Variants in GGT1 observed in about 807,000 individuals in gnomAD.
The protein encoded by GGT1 is gamma-glutamyltransferase 1.
GGT1 carries 21 observed loss-of-function variants against 56.0 expected under a neutral mutation model. The observed-to-expected ratio is 0.38, with a 90% CI of 0.27 to 0.54. The LOEUF (loss-of-function observed/expected upper bound fraction) is 0.54. Ranked by LOEUF, GGT1 falls within the 20% of genes least tolerant of loss-of-function variation. GGT1 has a pLI of 0.82. For missense variants in GGT1, 466 were observed against 787.0 expected, an observed-to-expected ratio of 0.59 and a Z score of 4.88; for synonymous variants, 238 against 342.6, an observed-to-expected ratio of 0.69 and a Z score of 3.37.
upstream of GGT1, among the ~76,000 whole-genome samples, chr22:24,590,689 C>T (rs1307591646): frequency 1.3e-5 from 2 of 152,126 alleles, no homozygotes; most frequent in Admixed American, 6.5e-5. Flanking sequence ...TCCTAAGCTG[C>T]GGCCAGCATC....
At position 24,614,906 on chromosome 22, in the gene GGT1, C is replaced by T. The variant is rs753103118; in HGVS notation, c.295C>T (p.Arg99Ter). ...CCTCACCATCTACAACAGCACCACA[C>T]GTGAGTGCCTCGGGAGAGGAGAGGG... is the stretch of plus-strand genomic sequence containing the variant. The part of the protein sequence containing the change: ...LFLTIYNSTT[R>*]KAEVINAREV... Residue 99 changes from arginine (R) to a stop codon, truncating the protein, a stop_gained and splice_region_variant, in exon 6 of 16, where the codon CGA (arginine) becomes TGA (stop). Coordinates refer to ENST00000400382, the MANE Select transcript of GGT1 (RefSeq NM_001288833.2). LOFTEE classifies it high-confidence loss of function. The T allele has an allele frequency of 6.2e-6, 10 of 1,600,218 alleles. No homozygotes were observed. Among genetic ancestry groups the T allele is most frequent in the African/African-American group, 1.3e-5 (1 of 74,240 alleles).
At chr22:24,591,344 G>C (rs1353125411), upstream of GGT1, among the ~76,000 whole-genome samples, 1 of 152,240 alleles carries the variant, frequency 6.6e-6, no homozygotes. Context: ...CTCCCAAAGT[G>C]CTGGGATTAT....
upstream of GGT1, among the ~76,000 whole-genome samples, chr22:24,599,709 C>T (rs1160806505): frequency 6.6e-6 from 1 of 152,134 alleles, no homozygotes; most frequent in South Asian, 2.1e-4. Flanking sequence ...CCACCTGGCG[C>T]ATCTGAAACA....
Position 24,620,089 on chromosome 22 carries a change from G to A in GGT1, c.383-239G>A, listed in dbSNP as rs58131488. Reference sequence around the variant, plus strand: ...CCCTTCTGCTAGGTGTGCTGTTCACGCCTGTAATCTCAGCGACTCAGGAGG... The same window carrying A: ...CCCTTCTGCTAGGTGTGCTGTTCACACCTGTAATCTCAGCGACTCAGGAGG... On this transcript the variant is annotated intron_variant, in intron 7 of 15. Transcript: ENST00000400382. The surrounding 1 kb of genome is among the most constrained non-coding windows in gnomAD (Gnocchi z 5.6). Among the ~76,000 whole-genome samples the A allele has an allele frequency of 1.3e-5, 2 of 152,030 alleles. No individual in the cohort carries two copies. Among genetic ancestry groups the A allele is most frequent in the African/African-American group, 2.4e-5 (1 of 41,390 alleles).
chr22:24,585,997 G>A, the GGT1 span: 1 of 1,610,728 alleles, frequency 6.2e-7, no homozygotes, highest in Non-Finnish European at 8.5e-7. Flanking sequence ...CAAGGTCCAG[G>A]CCCTCGTAGA....
chr22:24,622,360 C>G (rs1260587656), intron 9 of GGT1, among the ~76,000 whole-genome samples: 1 of 144,758 alleles, frequency 6.9e-6, no homozygotes, highest in Non-Finnish European at 1.5e-5. Flanking sequence ...GTCAGGAGAT[C>G]GAGACCATCC....
chr22:24,599,817 A>G (rs1336640567), upstream of GGT1, among the ~76,000 whole-genome samples: 1 of 151,876 alleles, frequency 6.6e-6, no homozygotes, highest in Non-Finnish European at 1.5e-5. Context: ...AGGCAGGGGG[A>G]GGTCCCCAAA....
chr22:24,594,679 A>G (rs5760489), upstream of GGT1: 58,557 of 151,704 alleles, frequency 0.39, 12,988 homozygotes, highest in African/African-American at 0.61. Flanking sequence ...CTCTCCTCCC[A>G]CTCCAGTGCA....
In GGT1 at chr22:24,612,687, C is replaced by T. The variant is rs142415166; in HGVS notation, c.164+1442C>T. On this transcript the variant is annotated intron_variant, in intron 5 of 15. Coordinates refer to ENST00000400382, the MANE Select transcript of GGT1 (RefSeq NM_001288833.2). ...TATTACAGGCATCCGCCACCACGCC[C>T]GGCTAATTTTTGTATTTTTAGTAGA... is the stretch of plus-strand genomic sequence containing the variant. Among the ~76,000 whole-genome samples, 37 of 152,138 alleles carry T rather than the reference C, an allele frequency of 2.4e-4. No individual in the cohort carries two copies. In the East Asian group the frequency reaches 3.1e-3, roughly 13 times the overall value.
the GGT1 span, chr22:24,585,589 G>A: frequency 2.1e-6 from 1 of 465,458 alleles, no homozygotes; most frequent in Non-Finnish European, 3.9e-6. Flanking sequence ...CCAGCAGCAG[G>A]GCTGTTGCTC....
At chr22:24,609,599 A>G (rs2046536649) in intron 2 of GGT1, 2 of 239,488 alleles carry the variant, frequency 8.4e-6, no homozygotes, top group Non-Finnish European at 1.8e-5. Context: ...GACGCTCTGC[A>G]CTGGGACAGG....
chr22:24,593,020 C>T, upstream of GGT1: 1 of 1,072,166 alleles, frequency 9.3e-7, no homozygotes, highest in South Asian at 4.4e-5. Context: ...CCCGGCCCGC[C>T]GGCCCAGCCG....
At chr22:24,588,252 C>T in the GGT1 span, 1 of 1,613,530 alleles carries the variant, frequency 6.2e-7, no homozygotes, top group Non-Finnish European at 8.5e-7. Context: ...TGGACCCTTG[C>T]TGCTGCTTCG....
At chr22:24,584,466 A>G in the GGT1 span, among the ~76,000 whole-genome samples, 4 of 151,920 alleles carry the variant, frequency 2.6e-5, no homozygotes, top group Non-Finnish European at 5.9e-5. Context: ...CTGGGACCCA[A>G]CACCATCCTG....
At chr22:24,624,727 T>A in intron 11 of GGT1, 4 of 967,418 alleles carry the variant, frequency 4.1e-6, no homozygotes, top group Non-Finnish European at 4.9e-6. Context: ...ATGATTTACT[T>A]CTTTATCACG....
intron 1 of GGT1, among the ~76,000 whole-genome samples, chr22:24,596,205 G>C (rs1007031898): frequency 1.3e-5 from 2 of 152,204 alleles, no homozygotes; most frequent in African/African-American, 4.8e-5. Context: ...TGTAACCATA[G>C]GCAGAGTAAG....
the GGT1 span, chr22:24,588,343 G>C: frequency 6.3e-7 from 1 of 1,595,890 alleles, no homozygotes; most frequent in Non-Finnish European, 8.6e-7. Context: ...TGGGAGGGCA[G>C]TGTCACCATG....
Position 24,614,583 on chromosome 22 carries a change from T to G in GGT1, c.165-193T>G, listed in dbSNP as rs1601704772. Among the ~76,000 whole-genome samples the G allele has an allele frequency of 2.2e-5, 3 of 133,604 alleles. No individual in the cohort carries two copies. The South Asian group carries it at 7.0e-4, about 31-fold the overall frequency. The allele number at this position is 133,604 out of a possible 152,430, so 87.6% of individuals were successfully genotyped here. A position where few individuals can be genotyped will look rare whatever the true frequency, so the allele number is the denominator to read the frequency against. On this transcript the variant is annotated intron_variant, in intron 5 of 15. Coordinates refer to ENST00000400382, the MANE Select transcript of GGT1 (RefSeq NM_001288833.2). Reference sequence around the variant, plus strand: ...GTGAGCTGAGATCGTGCCACTGCACTCCAGCCTGGCAATAGAGCAAGACTC... The same window carrying G: ...GTGAGCTGAGATCGTGCCACTGCACGCCAGCCTGGCAATAGAGCAAGACTC...
chr22:24,628,612 G>A lies in GGT1; in HGVS notation c.1564-81G>A, dbSNP rs576902103. On this transcript the variant is annotated intron_variant, in intron 15 of 15. Coordinates refer to ENST00000400382, the MANE Select transcript of GGT1 (RefSeq NM_001288833.2). This position sits in a 1 kb window ranked among gnomAD's most constrained non-coding sequence, Gnocchi z 5.7. ...CCTGGCCCGAAATGGCACCACCTGGGCTGAGGCCTGTGACCACACAGATGT... is the reference window on the plus strand; with the variant it reads ...CCTGGCCCGAAATGGCACCACCTGGACTGAGGCCTGTGACCACACAGATGT... 1 of 1,610,316 alleles carries A rather than the reference G, an allele frequency of 6.2e-7. No individual in the cohort carries two copies. Among genetic ancestry groups the A allele is most frequent in the South Asian group, 1.1e-5 (1 of 90,978 alleles).
Sources: allele counts gnomAD v4.1 joint callset (sites outside exome capture counted in the v4.1 genomes callset), GRCh38; gene constraint gnomAD v4.1.1; non-coding constraint Gnocchi (gnomAD v3.1); transcripts MANE v1.5; gene names NCBI Gene and HGNC (gene_info 2026-07-23, HGNC 2026-07-21).